The following RBM47 variants were observed in gnomAD, a reference collection of about 807,000 sequenced individuals.
RBM47 encodes RNA binding motif protein 47.
A neutral mutation model predicts 47.1 loss-of-function variants in RBM47; 21 were observed. The observed-to-expected ratio is 0.45, with a 90% CI of 0.32 to 0.64. The LOEUF (loss-of-function observed/expected upper bound fraction) is 0.64, where lower values mean the gene tolerates loss of function less well. Among genes scored for constraint, RBM47 ranks in the 30% least tolerant of loss-of-function variants. RBM47 has a pLI of 0.05. For missense variants in RBM47, 708 were observed against 870.9 expected, an observed-to-expected ratio of 0.81 and a Z score of 2.35; for synonymous variants, 375 against 361.7, an observed-to-expected ratio of 1.04 and a Z score of -0.42.
At chr4:40,448,852 C>A (rs1478721528) in intron 3 of RBM47, among the ~76,000 whole-genome samples, 1 of 152,100 alleles carries the variant, frequency 6.6e-6, no homozygotes, top group African/African-American at 2.4e-5. Context: ...TTCAGAATAA[C>A]CTCATGGTTT....
At chr4:40,464,704 G>A (rs963726734) in intron 3 of RBM47, among the ~76,000 whole-genome samples, 16 of 151,460 alleles carry the variant, frequency 1.1e-4, no homozygotes, top group African/African-American at 2.7e-4. Flanking sequence ...TCGAGACCAC[G>A]GTGAAACCCC....
At chr4:40,555,366 C>T (rs1271296143) in intron 1 of RBM47, among the ~76,000 whole-genome samples, 1 of 152,168 alleles carries the variant, frequency 6.6e-6, no homozygotes, top group East Asian at 1.9e-4. Context: ...CGCACCCAGC[C>T]CCTGACTTTC....
intron 1 of RBM47, among the ~76,000 whole-genome samples, chr4:40,596,414 T>C (rs1234982820): frequency 6.6e-6 from 1 of 152,194 alleles, no homozygotes; most frequent in Non-Finnish European, 1.5e-5. Context: ...GCTCTTTCTG[T>C]AGCCAGATTA....
chr4:40,541,980 AT>A (rs1415241874), intron 2 of RBM47, among the ~76,000 whole-genome samples: 1 of 152,176 alleles, frequency 6.6e-6, no homozygotes, highest in Non-Finnish European at 1.5e-5. Flanking sequence ...AGACAAAGAA[AT>A]GTGGACACAT....
chr4:40,473,041 A>G (rs1719139098), intron 2 of RBM47, among the ~76,000 whole-genome samples: 1 of 152,212 alleles, frequency 6.6e-6, no homozygotes, highest in South Asian at 2.1e-4. Context: ...AACACAGCCA[A>G]GACCAAGTCT....
Position 40,614,482 on chromosome 4 carries a change from G to C in RBM47, c.-240+14914C>G, listed in dbSNP as rs1243468584. On this transcript the variant is annotated intron_variant, in intron 1 of 6. Transcript: ENST00000295971. ...TAAGCCAAGAACAGATCTTGTAGAA[G>C]ACTGGGTCCTGGTCCAAAGACCTGG... Among the ~76,000 whole-genome samples, 5 of 152,156 alleles carry C rather than the reference G, an allele frequency of 3.3e-5. No individual in the cohort carries two copies. The East Asian group carries it at 9.6e-4, about 29-fold the overall frequency.
At chr4:40,568,505 G>C (rs1731321134) in intron 1 of RBM47, among the ~76,000 whole-genome samples, 1 of 144,748 alleles carries the variant, frequency 6.9e-6, no homozygotes, top group Non-Finnish European at 1.5e-5. Context: ...ATCTTAAGAT[G>C]TCAATTTTTT....
rs190640782 is a variant in RBM47, at chr4:40,602,626, G to A, written c.-240+26770C>T. 1.7e-4 allele frequency among the ~76,000 whole-genome samples: 24 copies of A among 143,978 alleles called. No individual in the cohort carries two copies. The East Asian group carries it at 4.4e-3, about 26-fold the overall frequency. 94.5% of individuals were successfully genotyped at this position (143,978 alleles called of 152,430 possible). ...TCACACCACTGCACTCCAGCCTGGC[G>A]ACAGAGTGAGAATCCGTTTAAAAAA... On this transcript the variant is annotated intron_variant, in intron 1 of 6. Coordinates refer to ENST00000295971, the MANE Select transcript of RBM47 (RefSeq NM_001098634.2).
chr4:40,600,279 T>C (rs981019585), intron 1 of RBM47, among the ~76,000 whole-genome samples: 4 of 151,948 alleles, frequency 2.6e-5, no homozygotes, highest in Non-Finnish European at 5.9e-5. Context: ...TCCAAAAGTG[T>C]TGGCGTTACA....
chr4:40,546,485 T>TC (rs1418297810), intron 1 of RBM47, among the ~76,000 whole-genome samples: 2 of 152,188 alleles, frequency 1.3e-5, no homozygotes, highest in Non-Finnish European at 1.5e-5. Context: ...ATACTACTGT[T>TC]CCACCAAGAA....
chr4:40,550,522 G>A (rs530461105), intron 1 of RBM47, among the ~76,000 whole-genome samples: 283 of 152,222 alleles, frequency 1.9e-3, no homozygotes, highest in Non-Finnish European at 3.5e-3. Flanking sequence ...GGGTTCAAGT[G>A]ATTCTCCTGC....
At position 40,603,356 on chromosome 4, in the gene RBM47, GGA is replaced by G. The variant is rs535747748; in HGVS notation, c.-240+26038_-240+26039del. Among the ~76,000 whole-genome samples, 14 of 152,220 alleles carry G rather than the reference GGA, an allele frequency of 9.2e-5. No homozygotes were observed. In the East Asian group the frequency reaches 2.7e-3, roughly 29 times the overall value. ...ATTTTTTAATTCATCTACTATTAAT[GGA>G]TATCTGAGTTGCTTCCAGTATGGGG... On this transcript the variant is annotated intron_variant, in intron 1 of 6. Transcript: ENST00000295971.
Position 40,438,757 on chromosome 4 carries a change from A to G in RBM47, c.137T>C (p.Met46Thr). The G allele has an allele frequency of 1.3e-6, 2 of 1,589,406 alleles. No individual in the cohort carries two copies. The highest frequency in any genetic ancestry group is 1.3e-5 in the African/African-American group (1 of 74,696). Residue 46 changes from methionine (M) to threonine (T), a missense_variant, in exon 4 of 7, where the codon ATG becomes ACG. Coordinates refer to ENST00000295971, the MANE Select transcript of RBM47 (RefSeq NM_001098634.2). ...LALMERTGYS[M>T]VQENGQRKYG... ...CTTGCGCTGCCCGTTCTCTTGCACC[A>G]TGCTGTAGCCCGTGCGCTCCATCAG...
At chr4:40,509,302 A>G (rs868492344) in intron 2 of RBM47, among the ~76,000 whole-genome samples, 5 of 152,296 alleles carry the variant, frequency 3.3e-5, no homozygotes, top group Middle Eastern at 3.4e-3. Context: ...GATATTTTCC[A>G]AATAACTGAA....
At chr4:40,566,830 G>C (rs1479785282) in intron 1 of RBM47, among the ~76,000 whole-genome samples, 2 of 151,906 alleles carry the variant, frequency 1.3e-5, no homozygotes, top group African/African-American at 4.8e-5. Context: ...AAAGCGCTAA[G>C]AGCAGTAGCT....
intron 2 of RBM47, among the ~76,000 whole-genome samples, chr4:40,470,155 G>T (rs901217495): frequency 8.5e-5 from 13 of 152,096 alleles, no homozygotes; most frequent in African/African-American, 2.9e-4. Flanking sequence ...TAAGATTTGT[G>T]GGGCAGTTTC....
At chr4:40,481,881 C>T (rs1720483635) in intron 2 of RBM47, among the ~76,000 whole-genome samples, 1 of 152,026 alleles carries the variant, frequency 6.6e-6, no homozygotes, top group Non-Finnish European at 1.5e-5. Context: ...GATGGAGTTT[C>T]GCCATGTTGG....
chr4:40,471,436 G>T (rs555343158), intron 2 of RBM47, among the ~76,000 whole-genome samples: 19 of 151,926 alleles, frequency 1.3e-4, no homozygotes, highest in Non-Finnish European at 2.6e-4. Context: ...AGTGGCTCAC[G>T]CCTGTAATCC....
At chr4:40,549,834 C>T (rs566730730) in intron 1 of RBM47, among the ~76,000 whole-genome samples, 33 of 152,250 alleles carry the variant, frequency 2.2e-4, no homozygotes, top group Non-Finnish European at 3.4e-4. Flanking sequence ...GCGTGTGCCA[C>T]CACGCCTGGC....
Sources: allele counts gnomAD v4.1 joint callset (sites outside exome capture counted in the v4.1 genomes callset), GRCh38; gene constraint gnomAD v4.1.1; transcripts MANE v1.5; gene names NCBI Gene and HGNC (gene_info 2026-07-23, HGNC 2026-07-21).